The following ANKRD6 variants were observed in gnomAD, a reference collection of about 807,000 sequenced individuals.
ANKRD6 encodes the protein ankyrin repeat domain 6.
A neutral mutation model predicts 82.3 loss-of-function variants in ANKRD6; 56 were observed. The observed-to-expected ratio is 0.68, with a 90% CI of 0.55 to 0.85. ANKRD6 has a LOEUF of 0.85. Among genes scored for constraint, ANKRD6 ranks in the 40% least tolerant of loss-of-function variants. The probability of loss-of-function intolerance (pLI) is 0.00; values close to 1 mark genes in which losing one functional copy is unlikely to be tolerated. For synonymous variants in ANKRD6, 347 were observed against 352.1 expected, an observed-to-expected ratio of 0.99 and a Z score of 0.16; for missense variants, 852 against 907.6, an observed-to-expected ratio of 0.94 and a Z score of 0.79.
chr6:89,612,274 G>C lies in ANKRD6; in HGVS notation c.420G>C (p.Ala140=), dbSNP rs781476025. The change falls in exon 6 of 16, where the codon GCG becomes GCC. Residue 140 remains alanine, a splice_region_variant and synonymous_variant. Coordinates refer to ENST00000339746, the MANE Select transcript of ANKRD6 (RefSeq NM_001242809.2). ...AGANVLAKNK[A]GNTALHLACQ... ...CCCTCTCTCTGCCTCTCTCCAAGGCGGGGAACACAGCTCTGCACCTGGCCT... is the reference window on the plus strand; with the variant it reads ...CCCTCTCTCTGCCTCTCTCCAAGGCCGGGAACACAGCTCTGCACCTGGCCT... The C allele has an allele frequency of 6.4e-7, 1 of 1,556,724 alleles. No homozygotes were observed. The highest frequency in any genetic ancestry group is 1.4e-5 in the African/African-American group (1 of 73,360).
intron 1 of ANKRD6, among the ~76,000 whole-genome samples, chr6:89,449,736 G>A (rs1438756897): frequency 6.6e-6 from 1 of 152,076 alleles, no homozygotes; most frequent in East Asian, 1.9e-4. Flanking sequence ...GCCAATAAAA[G>A]CTTCCCTTTA....
intron 1 of ANKRD6, among the ~76,000 whole-genome samples, chr6:89,459,843 G>A (rs1480275499): frequency 6.6e-6 from 1 of 152,044 alleles, no homozygotes; most frequent in Non-Finnish European, 1.5e-5. Flanking sequence ...GTTATAAGGA[G>A]ACGTATCAGG....
At chr6:89,479,317 A>G (rs1374652104) in intron 1 of ANKRD6, among the ~76,000 whole-genome samples, 1 of 152,226 alleles carries the variant, frequency 6.6e-6, no homozygotes. Context: ...TCATTTTTAC[A>G]AATGAGAACT....
At chr6:89,584,525 A>T (rs79589376) in intron 2 of ANKRD6, among the ~76,000 whole-genome samples, 15,945 of 152,256 alleles carry the variant, frequency 0.1, 1,036 homozygotes, top group Middle Eastern at 0.17. Context: ...GTTTCTAGTG[A>T]GAGTGGGCTG....
intron 1 of ANKRD6, among the ~76,000 whole-genome samples, chr6:89,530,423 T>C (rs549543713): frequency 6.7e-6 from 1 of 148,680 alleles, no homozygotes; most frequent in East Asian, 2.0e-4. Context: ...CACAACAGAG[T>C]GAAGCGCCGT....
At position 89,566,952 on chromosome 6, in the gene ANKRD6, C is replaced by T; in HGVS notation, c.-25C>T. The T allele has an allele frequency of 7.0e-6, 11 of 1,561,904 alleles. No individual in the cohort carries two copies. The highest frequency in any genetic ancestry group is 9.5e-6 in the Non-Finnish European group (11 of 1,152,322). On this transcript the variant is annotated 5_prime_UTR_variant, in exon 2 of 16. Transcript: ENST00000339746. ...GCTGAAGGAACTTGTCTACCGCTTCCCTGAAAACCTTTCTTTCCTAATTCA... is the reference window on the plus strand; with the variant it reads ...GCTGAAGGAACTTGTCTACCGCTTCTCTGAAAACCTTTCTTTCCTAATTCA...
At chr6:89,582,562 C>T (rs1368858851) in intron 2 of ANKRD6, among the ~76,000 whole-genome samples, 2 of 152,148 alleles carry the variant, frequency 1.3e-5, no homozygotes, top group African/African-American at 4.8e-5. Flanking sequence ...TCATCATCAC[C>T]ACCATCCATT....
intron 1 of ANKRD6, among the ~76,000 whole-genome samples, chr6:89,521,005 G>C (rs1220486153): frequency 6.6e-6 from 1 of 152,076 alleles, no homozygotes; most frequent in Non-Finnish European, 1.5e-5. Flanking sequence ...AAAATAGTCT[G>C]TCCTCCCACA....
intron 1 of ANKRD6, among the ~76,000 whole-genome samples, chr6:89,458,251 T>G (rs770984425): frequency 6.6e-6 from 1 of 152,250 alleles, no homozygotes; most frequent in Non-Finnish European, 1.5e-5. Context: ...AAATTGGTAA[T>G]GATTTTGGGC....
intron 1 of ANKRD6, among the ~76,000 whole-genome samples, chr6:89,515,487 TG>T (rs1487020839): frequency 6.6e-6 from 1 of 152,256 alleles, no homozygotes; most frequent in Non-Finnish European, 1.5e-5. Context: ...TTGTTACTGG[TG>T]GTAGGATTGG....
chr6:89,629,087 T>G, intron 14 of ANKRD6, 25 bp from the exon 15 acceptor site: 1 of 1,597,810 alleles, frequency 6.3e-7, no homozygotes, highest in Non-Finnish European at 8.5e-7. Flanking sequence ...TGTACTTATT[T>G]GTGGGGTTTG....
intron 1 of ANKRD6, among the ~76,000 whole-genome samples, chr6:89,507,075 G>T (rs1347219194): frequency 6.6e-6 from 1 of 152,174 alleles, no homozygotes; most frequent in Non-Finnish European, 1.5e-5. Context: ...TTGTAACAGG[G>T]TAACTTTTAT....
At chr6:89,612,947 A>G (rs1800591132) in intron 6 of ANKRD6, among the ~76,000 whole-genome samples, 1 of 152,226 alleles carries the variant, frequency 6.6e-6, no homozygotes, top group African/African-American at 2.4e-5. Context: ...TTCTTTCTAA[A>G]GTGTCCTCAG....
chr6:89,591,805 A>G (rs1454822057), intron 2 of ANKRD6, among the ~76,000 whole-genome samples: 1 of 152,196 alleles, frequency 6.6e-6, no homozygotes, highest in African/African-American at 2.4e-5. Context: ...TTCAGCTTCT[A>G]TAGGAAACCG....
chr6:89,480,380 G>C (rs975892040), intron 1 of ANKRD6, among the ~76,000 whole-genome samples: 1 of 152,204 alleles, frequency 6.6e-6, no homozygotes, highest in African/African-American at 2.4e-5. Flanking sequence ...AAGGAGCCAG[G>C]TCAGGAATGA....
chr6:89,624,412 C>A, intron 12 of ANKRD6, 127 bp from the exon 13 acceptor site: 1 of 1,233,084 alleles, frequency 8.1e-7, no homozygotes, highest in Non-Finnish European at 1.1e-6. Context: ...AAAGTTATGA[C>A]AAGGATGAGC....
chr6:89,545,744 A>G (rs977566160), intron 1 of ANKRD6, among the ~76,000 whole-genome samples: 13 of 152,192 alleles, frequency 8.5e-5, no homozygotes, highest in African/African-American at 3.1e-4. Context: ...AGCAATAATA[A>G]TCATGGCTAC....
intron 1 of ANKRD6, among the ~76,000 whole-genome samples, chr6:89,451,278 C>T (rs947602371): frequency 1.3e-5 from 2 of 152,168 alleles, no homozygotes; most frequent in African/African-American, 4.8e-5. Flanking sequence ...CACTGCACTG[C>T]AGCCTGGGTG....
Position 89,630,829 on chromosome 6 carries a change from AT to A in ANKRD6, c.2016del (p.Phe672LeufsTer34), listed in dbSNP as rs751514998. ...TCCCAAGCTCTGGAGCTTACCCAGT[AT>A]TTTTTTGAGGCTGTTTCTACCCAGA... ...DTSQALELTQ[Y>X]FFEAVSTQME... On this transcript the variant is annotated frameshift_variant, in exon 16 of 16. Coordinates refer to ENST00000339746, the MANE Select transcript of ANKRD6 (RefSeq NM_001242809.2). LOFTEE classifies it high-confidence loss of function. 1.2e-6 allele frequency: 2 copies of A among 1,613,924 alleles called. No homozygotes were observed. Among genetic ancestry groups the A allele is most frequent in the Non-Finnish European group, 1.7e-6 (2 of 1,179,886 alleles).
Sources: allele counts gnomAD v4.1 joint callset (sites outside exome capture counted in the v4.1 genomes callset), GRCh38; gene constraint gnomAD v4.1.1; transcripts MANE v1.5; gene names NCBI Gene and HGNC (gene_info 2026-07-23, HGNC 2026-07-21).